NAA38: variants seen among roughly 807,000 people sequenced by gnomAD.
NAA38 encodes the protein N-alpha-acetyltransferase 38, NatC auxiliary subunit, also known as LSM domain containing 1.
A neutral mutation model predicts 12.6 loss-of-function variants in NAA38; 15 were observed. That is an observed-to-expected ratio of 1.19 (90% CI 0.79 to 1.83). NAA38 has a LOEUF of 1.83. Ranked by LOEUF, NAA38 falls within the 40% of genes most tolerant of loss-of-function variation. The pLI is 0.00. For synonymous variants in NAA38, 88 were observed against 69.9 expected (o/e 1.26, Z -1.29); for missense variants, 183 against 171.7 (o/e 1.07, Z -0.37).
At chr17:7,881,539 G>C (rs1351686872) in intron 2 of NAA38, among the ~76,000 whole-genome samples, 4 of 151,842 alleles carry the variant, frequency 2.6e-5, no homozygotes, top group Middle Eastern at 3.2e-3. Context: ...TTAGGGGAGA[G>C]AGACTATCCT....
At chr17:7,885,213 C>A (rs1967612252), upstream of NAA38, 2 of 875,390 alleles carry the variant, frequency 2.3e-6, no homozygotes, top group Non-Finnish European at 2.7e-6. Flanking sequence ...GGGGCTCGGG[C>A]CCGTGGCCCC....
intron 2 of NAA38, among the ~76,000 whole-genome samples, chr17:7,866,839 TCTCATTTATGAAATA>T (rs1187223228): frequency 6.6e-6 from 1 of 152,186 alleles, no homozygotes; most frequent in Non-Finnish European, 1.5e-5. Context: ...GGGCCACAGC[TCTCATTTATGAAATA>T]CTCAGCCCTA....
intron 1 of NAA38, chr17:7,884,849 A>C: frequency 2.0e-6 from 2 of 994,382 alleles, no homozygotes; most frequent in Non-Finnish European, 1.4e-6. Flanking sequence ...GGAGGAGGAG[A>C]TGGTGGTGTC....
chr17:7,859,334 T>C (rs1447481474), upstream of NAA38: 1 of 1,489,000 alleles, frequency 6.7e-7, no homozygotes, highest in Admixed American at 1.7e-5. Flanking sequence ...TGTGTATATG[T>C]ATACTCCATC....
intron 2 of NAA38, among the ~76,000 whole-genome samples, chr17:7,881,594 G>A (rs1449217810): frequency 1.3e-5 from 2 of 151,418 alleles, no homozygotes; most frequent in African/African-American, 2.4e-5. Context: ...AGAAAAAGCT[G>A]GTAAGTATGA....
rs1222527344 is a variant in NAA38, at chr17:7,857,040, C to T, written c.240G>A (p.Ser80=). 6.2e-7 allele frequency: 1 copy of T among 1,611,412 alleles called. No individual in the cohort carries two copies. ...CCGACGGCTTGAGGAACTCCTGCGC[C>T]GAGCCCAGGATGACATTGCAGTCAC... ...TDRDCNVILG[S]AQEFLKPSDS... Residue 80 remains serine (S), a synonymous_variant, in exon 2 of 3, where the codon TCG becomes TCA. Transcript: ENST00000575771.
chr17:7,872,885 G>A (rs1393038991), intron 2 of NAA38, among the ~76,000 whole-genome samples: 1 of 152,138 alleles, frequency 6.6e-6, no homozygotes, highest in East Asian at 1.9e-4. Flanking sequence ...GTGCCTGGCC[G>A]TGTGCTAGAC....
At chr17:7,858,664 G>C, upstream of NAA38, 4 of 1,610,114 alleles carry the variant, frequency 2.5e-6, no homozygotes, top group Non-Finnish European at 3.4e-6. Context: ...CCGCGGGGCC[G>C]CTTTGTGCAC....
At chr17:7,859,784 A>G, upstream of NAA38, 1 of 608,924 alleles carries the variant, frequency 1.6e-6, no homozygotes, top group Non-Finnish European at 2.9e-6. Flanking sequence ...TGCCTTCATT[A>G]CAGTTTGCTC....
At chr17:7,877,069 T>A in intron 2 of NAA38, 1 of 384,748 alleles carries the variant, frequency 2.6e-6, no homozygotes, top group South Asian at 1.9e-5. Flanking sequence ...AACCAGAGAT[T>A]CATGAGGAAT....
chr17:7,885,055 G>A (rs1210337591), intron 1 of NAA38: 3 of 999,062 alleles, frequency 3.0e-6, no homozygotes, highest in Non-Finnish European at 3.6e-6. Flanking sequence ...CGCCACCGCT[G>A]CCCCCGCCGC....
chr17:7,866,212 G>A (rs1170330539), intron 3 of NAA38: 8 of 206,536 alleles, frequency 3.9e-5, no homozygotes, highest in African/African-American at 9.6e-5. Context: ...TCAGCCTCCC[G>A]AGTAGCTGGG....
intron 2 of NAA38, among the ~76,000 whole-genome samples, chr17:7,877,461 CT>C (rs1319729917): frequency 8.9e-6 from 1 of 112,062 alleles, no homozygotes; most frequent in African/African-American, 3.5e-5. Context: ...TTTCTTTTTT[CT>C]TTTTCTTTTT....
At chr17:7,876,979 G>T in intron 2 of NAA38, 2 of 241,068 alleles carry the variant, frequency 8.3e-6, no homozygotes, top group South Asian at 3.7e-5. Context: ...CTTTAAAGTG[G>T]AACCTCACTA....
intron 2 of NAA38, among the ~76,000 whole-genome samples, chr17:7,876,826 C>T (rs1967182427): frequency 6.6e-6 from 1 of 152,180 alleles, no homozygotes. Context: ...ATTTCCCCTT[C>T]CCAGTGGCAA....
At chr17:7,857,691 T>G, upstream of NAA38, 1 of 1,315,762 alleles carries the variant, frequency 7.6e-7, no homozygotes. Flanking sequence ...CGCGAGACCT[T>G]TACCTCTGGT....
At chr17:7,872,201 A>T (rs1295896538) in intron 2 of NAA38, among the ~76,000 whole-genome samples, 1 of 152,140 alleles carries the variant, frequency 6.6e-6, no homozygotes, top group Non-Finnish European at 1.5e-5. Flanking sequence ...AGTTTCATTG[A>T]GTTAAATCTA....
Position 7,856,782 on chromosome 17 carries a change from G to A in NAA38, c.327C>T (p.Ile109=), listed in dbSNP as rs770406728. Residue 109 remains isoleucine (I), a synonymous_variant, in exon 3 of 3, where the codon ATC becomes ATT. Transcript: ENST00000575771. ...LGLAMVPGHH[I]VSIEVQRESL... is the part of the protein sequence containing the mutation. The stretch of plus-strand genomic sequence containing the variant: ...TCTCCCTCTGCACCTCAATGGAAAC[G>A]ATGTGGTGTCCGGGTACCATGGCCA... 19 of 1,613,912 alleles carry A rather than the reference G, an allele frequency of 1.2e-5. No individual in the cohort carries two copies. The highest frequency in any genetic ancestry group is 1.1e-4 in the South Asian group (10 of 91,086).
intron 3 of NAA38, chr17:7,866,125 T>C (rs538868370): frequency 7.6e-4 from 127 of 166,096 alleles, no homozygotes; most frequent in Admixed American, 1.0e-3. Context: ...CTCGCTCTGT[T>C]GCCCAGGCTG....
Sources: allele counts gnomAD v4.1 joint callset (sites outside exome capture counted in the v4.1 genomes callset), GRCh38; gene constraint gnomAD v4.1.1; transcripts MANE v1.5; gene names NCBI Gene and HGNC (gene_info 2026-07-23, HGNC 2026-07-21).